The following HS3ST4 variants were observed in gnomAD, a reference collection of about 807,000 sequenced individuals.
HS3ST4 encodes the protein heparan sulfate-glucosamine 3-sulfotransferase 4, also known as heparan sulfate glucosamine 3-O-sulfotransferase 4.
HS3ST4 carries 17 observed loss-of-function variants against 29.2 expected under a neutral mutation model. That is an observed-to-expected ratio of 0.58 (90% CI 0.40 to 0.87). HS3ST4 has a LOEUF of 0.87. Among genes scored for constraint, HS3ST4 ranks in the 40% least tolerant of loss-of-function variants. The pLI is 0.00. For missense variants in HS3ST4, 627 were observed against 634.5 expected (o/e 0.99, Z 0.13); for synonymous variants, 314 against 285.7 (o/e 1.10, Z -1.00).
At chr16:25,932,328 C>A (rs1056907154) in intron 1 of HS3ST4, among the ~76,000 whole-genome samples, 1 of 152,126 alleles carries the variant, frequency 6.6e-6, no homozygotes, top group African/African-American at 2.4e-5. Flanking sequence ...AAGAAATGTT[C>A]ATCTCTCTGC....
intron 1 of HS3ST4, among the ~76,000 whole-genome samples, chr16:25,721,852 A>G (rs551194930): frequency 3.3e-5 from 5 of 152,232 alleles, no homozygotes; most frequent in Non-Finnish European, 7.3e-5. Flanking sequence ...TTCCTGAAAG[A>G]GTATTGGGTG....
chr16:26,022,265 A>G (rs756454258), intron 1 of HS3ST4, among the ~76,000 whole-genome samples: 2 of 152,132 alleles, frequency 1.3e-5, no homozygotes, highest in Non-Finnish European at 2.9e-5. Flanking sequence ...CATGGCAACC[A>G]GCTAAGTTCT....
intron 1 of HS3ST4, among the ~76,000 whole-genome samples, chr16:25,887,691 A>C (rs1967968041): frequency 1.1e-5 from 1 of 91,500 alleles, no homozygotes; most frequent in Admixed American, 1.2e-4. Flanking sequence ...GCTACACCTG[A>C]TTTTTTTTTT....
chr16:25,811,424 T>TC (rs1967040562), intron 1 of HS3ST4, among the ~76,000 whole-genome samples: 1 of 70,662 alleles, frequency 1.4e-5, no homozygotes, highest in African/African-American at 5.7e-5. Context: ...TTCTTCTTCT[T>TC]TTTTTTTTTT....
At chr16:26,087,335 G>A (rs1452035944) in intron 1 of HS3ST4, among the ~76,000 whole-genome samples, 1 of 152,198 alleles carries the variant, frequency 6.6e-6, no homozygotes, top group Non-Finnish European at 1.5e-5. Context: ...GTGCTGGAAA[G>A]TAAATAATGA....
chr16:26,008,097 C>T (rs1969274654), intron 1 of HS3ST4, among the ~76,000 whole-genome samples: 1 of 152,124 alleles, frequency 6.6e-6, no homozygotes, highest in South Asian at 2.1e-4. Context: ...GGCAGATTAA[C>T]AAGAGAAAGG....
intron 1 of HS3ST4, among the ~76,000 whole-genome samples, chr16:26,096,053 C>G: frequency 6.6e-6 from 1 of 152,078 alleles, no homozygotes; most frequent in East Asian, 1.9e-4. Flanking sequence ...TACACCCTCC[C>G]AAGACTAAAC....
chr16:26,029,464 G>A (rs1969512158), intron 1 of HS3ST4, among the ~76,000 whole-genome samples: 1 of 151,890 alleles, frequency 6.6e-6, no homozygotes, highest in South Asian at 2.1e-4. Context: ...CCAGGCTGGA[G>A]TGCAATGGCA....
chr16:25,884,991 G>T (rs1967934894), intron 1 of HS3ST4, among the ~76,000 whole-genome samples: 1 of 152,160 alleles, frequency 6.6e-6, no homozygotes. Flanking sequence ...GTGAGAAGGG[G>T]CAGTCAGGAA....
intron 1 of HS3ST4, among the ~76,000 whole-genome samples, chr16:25,819,713 T>C (rs1183736935): frequency 1.3e-5 from 2 of 152,126 alleles, no homozygotes; most frequent in Admixed American, 6.5e-5. Flanking sequence ...ATGGGTTGTC[T>C]GTCTGTTGGA....
chr16:25,997,962 A>C (rs1431666892), intron 1 of HS3ST4, among the ~76,000 whole-genome samples: 1 of 152,186 alleles, frequency 6.6e-6, no homozygotes, highest in African/African-American at 2.4e-5. Context: ...TCAGCCAGGC[A>C]TGGTGATTCA....
intron 1 of HS3ST4, among the ~76,000 whole-genome samples, chr16:25,718,232 C>CAGCAGGG (rs1966470951): frequency 6.6e-6 from 1 of 152,172 alleles, no homozygotes; most frequent in Non-Finnish European, 1.5e-5. Flanking sequence ...TTACATTTAC[C>CAGCAGGG]TTCAGAAAGC....
At chr16:25,720,702 T>G (rs1364290390) in intron 1 of HS3ST4, among the ~76,000 whole-genome samples, 1 of 152,178 alleles carries the variant, frequency 6.6e-6, no homozygotes, top group East Asian at 1.9e-4. Flanking sequence ...TGGAATATAT[T>G]TGGAAGATTA....
chr16:25,910,554 A>G (rs1968228384), intron 1 of HS3ST4, among the ~76,000 whole-genome samples: 1 of 152,038 alleles, frequency 6.6e-6, no homozygotes, highest in Non-Finnish European at 1.5e-5. Context: ...GAGGCAGGAG[A>G]ATCGCTTGAA....
intron 1 of HS3ST4, among the ~76,000 whole-genome samples, chr16:26,015,398 T>C (rs1054294483): frequency 6.6e-6 from 1 of 152,244 alleles, no homozygotes; most frequent in Non-Finnish European, 1.5e-5. Context: ...TTTTTAGAGA[T>C]GTCTTATCCT....
At chr16:25,849,330 A>T (rs1567254678) in intron 1 of HS3ST4, among the ~76,000 whole-genome samples, 1 of 152,222 alleles carries the variant, frequency 6.6e-6, no homozygotes, top group African/African-American at 2.4e-5. Context: ...ATCTGTGTCT[A>T]ATCAGACTTG....
At chr16:25,697,493 G>A (rs1302341939) in intron 1 of HS3ST4, among the ~76,000 whole-genome samples, 4 of 152,116 alleles carry the variant, frequency 2.6e-5, no homozygotes, top group Non-Finnish European at 5.9e-5. Flanking sequence ...CAAGTAAAAC[G>A]TCTTGCAATT....
chr16:25,875,223 C>T (rs1967817345), intron 1 of HS3ST4, among the ~76,000 whole-genome samples: 1 of 152,072 alleles, frequency 6.6e-6, no homozygotes, highest in Admixed American at 6.5e-5. Context: ...TGAAATTGTT[C>T]CCTTGTTCCT....
chr16:26,020,593 G>A (rs914310861), intron 1 of HS3ST4, among the ~76,000 whole-genome samples: 7 of 152,182 alleles, frequency 4.6e-5, no homozygotes, highest in African/African-American at 1.4e-4. Context: ...GCACCCCTAG[G>A]TGATGCTGGT....
Sources: gnomAD v4.1 joint callset for allele counts (sites outside exome capture counted in the v4.1 genomes callset) on GRCh38, gnomAD v4.1.1 for gene constraint, MANE v1.5 for transcripts, NCBI Gene and HGNC (gene_info 2026-07-23, HGNC 2026-07-21) for gene names.